EPHA5: variants seen among roughly 807,000 people sequenced by gnomAD.
The protein encoded by EPHA5 is ephrin type-A receptor 5.
A neutral mutation model predicts 105.0 loss-of-function variants in EPHA5; 60 were observed. The observed-to-expected ratio is 0.57, with a 90% CI of 0.46 to 0.71. The LOEUF is 0.71. EPHA5 is among the 30% of genes least tolerant of loss of function. The pLI is 0.00. For synonymous variants in EPHA5, 513 were observed against 449.1 expected (o/e 1.14, Z -1.80); for missense variants, 1,218 against 1,274.7 (o/e 0.96, Z 0.68).
intron 1 of EPHA5, 168 bp downstream of exon 1, chr4:65,669,394 G>A: frequency 2.0e-6 from 2 of 984,948 alleles, no homozygotes; most frequent in Non-Finnish European, 2.4e-6. Flanking sequence ...ACCAAAAACC[G>A]CAGAGGGGAG....
intron 5 of EPHA5, among the ~76,000 whole-genome samples, chr4:65,465,179 TG>T (rs1229752637): frequency 6.6e-6 from 1 of 152,058 alleles, no homozygotes; most frequent in Non-Finnish European, 1.5e-5. Flanking sequence ...GGCTCACACC[TG>T]TAATCCTAGC....
At chr4:65,610,994 G>A (rs1744710330) in intron 2 of EPHA5, among the ~76,000 whole-genome samples, 1 of 152,068 alleles carries the variant, frequency 6.6e-6, no homozygotes, top group African/African-American at 2.4e-5. Flanking sequence ...AAGCTTTTGT[G>A]TACTATTATG....
intron 15 of EPHA5, 70 bp downstream of exon 15, chr4:65,335,862 T>TTA (rs1721120959): frequency 7.0e-7 from 1 of 1,437,078 alleles, no homozygotes; most frequent in Non-Finnish European, 9.4e-7. Context: ...ATGATTTAAT[T>TTA]GATAAAATAT....
At chr4:65,562,246 A>G (rs985599140) in intron 3 of EPHA5, among the ~76,000 whole-genome samples, 4 of 152,028 alleles carry the variant, frequency 2.6e-5, no homozygotes, top group Non-Finnish European at 4.4e-5. Flanking sequence ...TCAGTTATAA[A>G]TTTCCCCCAC....
At chr4:65,501,722 A>T (rs759462737) in intron 3 of EPHA5, among the ~76,000 whole-genome samples, 1 of 151,618 alleles carries the variant, frequency 6.6e-6, no homozygotes, top group African/African-American at 2.4e-5. Flanking sequence ...TAAACTACTG[A>T]TATCATTTTC....
chr4:65,531,213 A>G (rs1021852769), intron 3 of EPHA5, among the ~76,000 whole-genome samples: 14 of 147,292 alleles, frequency 9.5e-5, no homozygotes, highest in Non-Finnish European at 2.1e-4. Flanking sequence ...AATTTTTTGT[A>G]TTTTTAGTAG....
intron 3 of EPHA5, among the ~76,000 whole-genome samples, chr4:65,599,914 G>GACAATCAA (rs1458362845): frequency 6.6e-6 from 1 of 152,012 alleles, no homozygotes; most frequent in African/African-American, 2.4e-5. Context: ...TAATCTCATC[G>GACAATCAA]ACAATCAAAA....
intron 5 of EPHA5, among the ~76,000 whole-genome samples, chr4:65,454,376 T>C (rs1206964558): frequency 6.6e-6 from 1 of 152,126 alleles, no homozygotes; most frequent in Non-Finnish European, 1.5e-5. Flanking sequence ...ATTTATTCAA[T>C]GAAAAATCTT....
chr4:65,332,624 G>C (rs1212431026), intron 15 of EPHA5, among the ~76,000 whole-genome samples: 2 of 150,314 alleles, frequency 1.3e-5, no homozygotes, highest in African/African-American at 4.9e-5. Context: ...GTGGTGGGGG[G>C]TGGGGGAAGG....
intron 8 of EPHA5, among the ~76,000 whole-genome samples, chr4:65,403,894 A>T (rs1268569941): frequency 6.6e-6 from 1 of 152,104 alleles, no homozygotes; most frequent in Non-Finnish European, 1.5e-5. Context: ...ATGTTTGGTC[A>T]TTTTCCAAGT....
chr4:65,501,146 A>G (rs990071227), intron 3 of EPHA5, among the ~76,000 whole-genome samples: 2 of 151,474 alleles, frequency 1.3e-5, no homozygotes, highest in Non-Finnish European at 3.0e-5. Flanking sequence ...GCTATAAGGG[A>G]ATTAAAACTC....
chr4:65,332,541 C>A (rs1378917647), intron 15 of EPHA5, among the ~76,000 whole-genome samples: 1 of 149,892 alleles, frequency 6.7e-6, no homozygotes, highest in Non-Finnish European at 1.5e-5. Context: ...AAACTATGGG[C>A]CGTGGCTGAT....
chr4:65,637,909 A>C (rs1747293995), intron 2 of EPHA5, among the ~76,000 whole-genome samples: 1 of 152,160 alleles, frequency 6.6e-6, no homozygotes, highest in Non-Finnish European at 1.5e-5. Context: ...CTGAGTTTAC[A>C]ATGTAATAAA....
At chr4:65,664,547 AT>A (rs2149557083) in intron 1 of EPHA5, among the ~76,000 whole-genome samples, 1 of 152,082 alleles carries the variant, frequency 6.6e-6, no homozygotes, top group South Asian at 2.1e-4. Flanking sequence ...CATATGATAA[AT>A]TTTTAAAATC....
At chr4:65,631,792 T>C (rs1265460812) in intron 2 of EPHA5, among the ~76,000 whole-genome samples, 4 of 151,838 alleles carry the variant, frequency 2.6e-5, no homozygotes, top group African/African-American at 9.7e-5. Flanking sequence ...ATAAAGGTCA[T>C]TTTCCAATTT....
intron 2 of EPHA5, among the ~76,000 whole-genome samples, chr4:65,636,781 C>T (rs1278163340): frequency 1.3e-5 from 2 of 151,902 alleles, no homozygotes; most frequent in African/African-American, 2.4e-5. Flanking sequence ...AAGAACAATA[C>T]AAGAAAATGT....
At chr4:65,546,401 G>A (rs1037961990) in intron 3 of EPHA5, among the ~76,000 whole-genome samples, 4 of 151,968 alleles carry the variant, frequency 2.6e-5, no homozygotes, top group African/African-American at 9.7e-5. Context: ...TTGTTAAAAG[G>A]TGGATATGCT....
chr4:65,604,333 A>C (rs1744022200), intron 2 of EPHA5, among the ~76,000 whole-genome samples: 2 of 152,224 alleles, frequency 1.3e-5, no homozygotes. Context: ...ATAATTTCAA[A>C]GTATGTGCAT....
At chr4:65,496,318 C>T (rs1461480101) in intron 3 of EPHA5, among the ~76,000 whole-genome samples, 32 of 150,020 alleles carry the variant, frequency 2.1e-4, no homozygotes, top group Non-Finnish European at 3.6e-4. Flanking sequence ...CATGCTGGTG[C>T]GCTGCACCCA....
Sources: allele counts gnomAD v4.1 joint callset (sites outside exome capture counted in the v4.1 genomes callset), GRCh38; gene constraint gnomAD v4.1.1; transcripts MANE v1.5; gene names NCBI Gene and HGNC (gene_info 2026-07-23, HGNC 2026-07-21).